The following HDAC8 variants were observed in gnomAD, a reference collection of about 807,000 sequenced individuals.
HDAC8 encodes histone deacetylase 8, also known as histone deacetylase-like 1.
HDAC8 carries 1 observed loss-of-function variant against 32.2 expected under a neutral mutation model. That is an observed-to-expected ratio of 0.03 (90% CI 0.01 to 0.15). HDAC8 has a LOEUF of 0.15. HDAC8 is among the 10% of genes least tolerant of loss of function. The probability of loss-of-function intolerance (pLI) is 1.00; values close to 1 mark genes in which losing one functional copy is unlikely to be tolerated. For synonymous variants in HDAC8, 108 were observed against 113.9 expected (o/e 0.95, Z 0.33); for missense variants, 117 against 300.0 (o/e 0.39, Z 4.51).
chrX:72,388,271 A>C (rs1055560235), intron 9 of HDAC8, among the ~76,000 whole-genome samples: 5 of 110,253 alleles, frequency 4.5e-5, no homozygotes, highest in African/African-American at 1.7e-4. Flanking sequence ...CTGTTACAAA[A>C]TAACTGATAT....
At chrX:72,446,000 A>G (rs2047378985) in intron 9 of HDAC8, among the ~76,000 whole-genome samples, 2 of 112,357 alleles carry the variant, frequency 1.8e-5, no homozygotes, top group Admixed American at 9.4e-5. Flanking sequence ...ATCTCACACC[A>G]GTTAGAATGG....
chrX:72,521,299 C>T (rs782013161), intron 4 of HDAC8, among the ~76,000 whole-genome samples: 9 of 111,170 alleles, frequency 8.1e-5, no homozygotes, highest in Non-Finnish European at 5.7e-5. Flanking sequence ...CCCTCTCTCT[C>T]GCTGTCTTTG....
chrX:72,379,563 T>C (rs1254045722), intron 9 of HDAC8, among the ~76,000 whole-genome samples: 5 of 100,793 alleles, frequency 5.0e-5, no homozygotes, highest in African/African-American at 1.5e-4. Context: ...AGTGGCGTGA[T>C]CTCGGCTCAT....
At chrX:72,454,602 G>A (rs782646266) in intron 9 of HDAC8, among the ~76,000 whole-genome samples, 1 of 112,489 alleles carries the variant, frequency 8.9e-6, no homozygotes, top group South Asian at 3.7e-4. Context: ...CATTTAAATT[G>A]TAGCATCATT....
chrX:72,334,695 G>A lies in HDAC8; in HGVS notation c.1112-4619C>T, dbSNP rs149000576. Among the ~76,000 whole-genome samples the A allele has an allele frequency of 7.9e-3, 891 of 112,213 alleles. 6 individuals are homozygous for A. The highest frequency in any genetic ancestry group is 0.027 in the African/African-American group (836 of 30,897). On this transcript the variant is annotated intron_variant, in intron 10 of 10. Transcript: ENST00000373573. ...AGGCATTAAGATGAGTGGCCAAACA[G>A]AACAATTTTGGAGGCGAGATGTAGC...
At chrX:72,505,961 G>A (rs782811720) in intron 4 of HDAC8, among the ~76,000 whole-genome samples, 1 of 111,416 alleles carries the variant, frequency 9.0e-6, no homozygotes, top group South Asian at 3.8e-4. Context: ...ACTTTTCCAA[G>A]TTTTCTCCCT....
At chrX:72,393,508 G>A (rs1412215162) in intron 9 of HDAC8, among the ~76,000 whole-genome samples, 1 of 111,856 alleles carries the variant, frequency 8.9e-6, no homozygotes, top group East Asian at 2.8e-4. Context: ...TCGTTAAACC[G>A]TTTCTAATCT....
chrX:72,433,740 T>C (rs1164915816), intron 9 of HDAC8, among the ~76,000 whole-genome samples: 1 of 112,109 alleles, frequency 8.9e-6, no homozygotes, highest in Non-Finnish European at 1.9e-5. Flanking sequence ...TTTTGTGGAA[T>C]GCATGTTCTG....
At chrX:72,474,834 A>G (rs1409707625) in intron 7 of HDAC8, 2 of 469,163 alleles carry the variant, frequency 4.3e-6, no homozygotes, top group African/African-American at 2.5e-5. Context: ...TGATTCCATC[A>G]GGGTAGAACA....
chrX:72,424,672 G>A (rs1157049419), intron 9 of HDAC8, among the ~76,000 whole-genome samples: 1 of 111,189 alleles, frequency 9.0e-6, no homozygotes, highest in Non-Finnish European at 1.9e-5. Context: ...ACTTTTTCAT[G>A]ATCTCAAACA....
intron 1 of HDAC8, 58 bp downstream of exon 1, chrX:72,572,593 T>TCCCCCCCCC: frequency 3.8e-6 from 3 of 787,040 alleles, no homozygotes; most frequent in African/African-American, 2.1e-5. Flanking sequence ...CGCTCTTTCG[T>TCCCCCCCCC]CCACCGCCCC....
chrX:72,351,485 C>T (rs782540921), intron 10 of HDAC8, among the ~76,000 whole-genome samples: 1 of 112,383 alleles, frequency 8.9e-6, no homozygotes, highest in Admixed American at 9.4e-5. Context: ...TGATTTTCCC[C>T]TGGCAGTGCC....
At chrX:72,540,873 A>G (rs1228759758) in intron 4 of HDAC8, among the ~76,000 whole-genome samples, 4 of 111,520 alleles carry the variant, frequency 3.6e-5, no homozygotes, top group Admixed American at 9.6e-5. Context: ...TTTCCTATTC[A>G]TCTCTGTCCT....
intron 7 of HDAC8, among the ~76,000 whole-genome samples, chrX:72,471,695 G>A (rs1390885962): frequency 9.0e-6 from 1 of 111,285 alleles, no homozygotes; most frequent in African/African-American, 3.3e-5. Context: ...TTTTCAAACC[G>A]GGTTGTCTTT....
intron 10 of HDAC8, among the ~76,000 whole-genome samples, chrX:72,341,505 T>A (rs2043887478): frequency 8.9e-6 from 1 of 111,976 alleles, no homozygotes; most frequent in Non-Finnish European, 1.9e-5. Context: ...TGTACTTGGG[T>A]AGTTCTCTGT....
intron 2 of HDAC8, 123 bp from the exon 3 acceptor site, chrX:72,569,007 G>A: frequency 1.4e-6 from 1 of 697,169 alleles, no homozygotes; most frequent in Non-Finnish European, 2.1e-6. Flanking sequence ...CCAATAGGCT[G>A]GAGTAATAAA....
chrX:72,554,088 T>C (rs1423523598), intron 4 of HDAC8, among the ~76,000 whole-genome samples: 2 of 112,309 alleles, frequency 1.8e-5, no homozygotes, highest in African/African-American at 6.5e-5. Context: ...GATTCTCTTT[T>C]TATCTTGGTA....
At chrX:72,481,309 C>T (rs1556002977) in intron 7 of HDAC8, among the ~76,000 whole-genome samples, 1 of 110,790 alleles carries the variant, frequency 9.0e-6, no homozygotes, top group Non-Finnish European at 1.9e-5. Context: ...TTCCCTCCCC[C>T]AAAACGTGGG....
At position 72,381,618 on chromosome X, in the gene HDAC8, A is replaced by G. The variant is rs1159759921; in HGVS notation, c.1006-29780T>C. Among the ~76,000 whole-genome samples, 3 of 112,163 alleles carry G rather than the reference A, an allele frequency of 2.7e-5. No individual in the cohort carries two copies. In the Admixed American group the frequency reaches 2.8e-4, roughly 11 times the overall value. ...CTCCATTTGAAATTGGCTCATGGCAATGGTCTGAAGCAAACACTCAAGCTT... is the reference window on the plus strand; with the variant it reads ...CTCCATTTGAAATTGGCTCATGGCAGTGGTCTGAAGCAAACACTCAAGCTT... On this transcript the variant is annotated intron_variant, in intron 9 of 10. Transcript: ENST00000373573.
Sources: allele counts gnomAD v4.1 joint callset (sites outside exome capture counted in the v4.1 genomes callset), GRCh38; gene constraint gnomAD v4.1.1; transcripts MANE v1.5; gene names NCBI Gene and HGNC (gene_info 2026-07-23, HGNC 2026-07-21).